USP13: variants seen among roughly 807,000 people sequenced by gnomAD.
The protein encoded by USP13 is ubiquitin specific peptidase 13.
Under a neutral mutation model 107.8 loss-of-function variants are expected in USP13, and 68 were observed. The ratio of observed to expected loss-of-function variants is 0.63; its 90% CI spans 0.52 to 0.77. USP13 has a LOEUF of 0.77. Among genes scored for constraint, USP13 ranks in the 30% least tolerant of loss-of-function variants. The pLI is 0.00. For synonymous variants in USP13, 377 were observed against 389.5 expected (o/e 0.97, Z 0.38); for missense variants, 945 against 1,093.3 (o/e 0.86, Z 1.91).
chr3:179,757,174 C>CGT (rs897709930), intron 16 of USP13, 96 bp downstream of exon 16: 21 of 1,385,074 alleles, frequency 1.5e-5, no homozygotes, highest in African/African-American at 7.2e-5. Context: ...TTGTTCTGTA[C>CGT]GTGTGTGTGT....
intron 10 of USP13, among the ~76,000 whole-genome samples, chr3:179,739,134 C>CG (rs776426852): frequency 2.6e-5 from 4 of 152,196 alleles, no homozygotes; most frequent in Non-Finnish European, 5.9e-5. Flanking sequence ...CAGCTGGCCT[C>CG]GGCAGCCGTC....
chr3:179,687,775 A>G (rs2108460467), intron 2 of USP13, among the ~76,000 whole-genome samples: 1 of 151,202 alleles, frequency 6.6e-6, no homozygotes, highest in East Asian at 1.9e-4. Flanking sequence ...TCCCAGAGCC[A>G]TCTTTCCAAA....
chr3:179,653,448 A>G lies in USP13; in HGVS notation c.168+55A>G. 6.6e-7 allele frequency: 1 copy of G among 1,526,492 alleles called. No individual in the cohort carries two copies. Among genetic ancestry groups the G allele is most frequent in the Non-Finnish European group, 8.8e-7 (1 of 1,132,656 alleles). The allele number at this position is 1,526,492 out of a possible 1,614,324, so 94.6% of individuals were successfully genotyped here. A position where few individuals can be genotyped will look rare whatever the true frequency, so the allele number is the denominator to read the frequency against. On this transcript the variant is annotated intron_variant, in intron 1 of 20. Coordinates refer to ENST00000263966, the MANE Select transcript of USP13 (RefSeq NM_003940.3). The surrounding 1 kb of genome is among the most constrained non-coding windows in gnomAD (Gnocchi z 4.0). Reference sequence around the variant, plus strand: ...GGGGCCGGCGGCCTGCGGCACGTGAAGCCGGGGGAGAAGATGCGCAGTGGC... The same window carrying G: ...GGGGCCGGCGGCCTGCGGCACGTGAGGCCGGGGGAGAAGATGCGCAGTGGC...
chr3:179,753,008 G>A (rs554033526), intron 14 of USP13, among the ~76,000 whole-genome samples: 5 of 152,252 alleles, frequency 3.3e-5, no homozygotes, highest in African/African-American at 1.2e-4. Context: ...TTTTCCAGAC[G>A]ATACATAAAA....
At chr3:179,746,992 T>C (rs1229082868) in intron 13 of USP13, among the ~76,000 whole-genome samples, 1 of 152,224 alleles carries the variant, frequency 6.6e-6, no homozygotes, top group Non-Finnish European at 1.5e-5. Context: ...AAACAAGCCA[T>C]ATTTGTTAAA....
At chr3:179,747,313 T>A (rs1321701190) in intron 13 of USP13, among the ~76,000 whole-genome samples, 3 of 152,228 alleles carry the variant, frequency 2.0e-5, no homozygotes, top group Non-Finnish European at 4.4e-5. Context: ...ACAGTAGGTT[T>A]AAGACTGATT....
intron 18 of USP13, among the ~76,000 whole-genome samples, chr3:179,765,099 T>G (rs530033474): frequency 6.6e-6 from 1 of 152,326 alleles, no homozygotes; most frequent in East Asian, 1.9e-4. Flanking sequence ...TGGAAATATT[T>G]TTATGGTCAA....
chr3:179,709,092 T>G, intron 6 of USP13, 135 bp downstream of exon 6: 2 of 1,124,792 alleles, frequency 1.8e-6, no homozygotes, highest in Non-Finnish European at 2.5e-6. Flanking sequence ...TTCTGCCTCT[T>G]ATTAGTTTTG....
intron 19 of USP13, among the ~76,000 whole-genome samples, chr3:179,781,504 T>G (rs1308838439): frequency 6.6e-6 from 1 of 151,214 alleles, no homozygotes; most frequent in Non-Finnish European, 1.5e-5. Context: ...ACATTTGAAT[T>G]TAACATCAGC....
chr3:179,667,631 C>T (rs1392308079), intron 1 of USP13, among the ~76,000 whole-genome samples: 1 of 152,112 alleles, frequency 6.6e-6, no homozygotes, highest in Non-Finnish European at 1.5e-5. Flanking sequence ...ATCCTCATTG[C>T]TCAAAATACC....
rs372925755 is a variant in USP13 at position 179,775,479 on chromosome 3, C to T, written c.2414-6260C>T. Among the ~76,000 whole-genome samples the T allele has an allele frequency of 1.3e-3, 191 of 152,384 alleles. 2 individuals carry two copies. The highest frequency in any genetic ancestry group is 4.4e-3 in the East Asian group (23 of 5,188). On this transcript the variant is annotated intron_variant, in intron 19 of 20. Coordinates refer to ENST00000263966, the MANE Select transcript of USP13 (RefSeq NM_003940.3). ...TGCCTAGTGGATCCTGTGCCAGGGC[C>T]GTGGGTGGAGCTGCCCGCCAGTTCC...
chr3:179,784,202 A>C lies in USP13; in HGVS notation c.*61A>C, dbSNP rs948636439. ...CGCCTTTTTAATTTGCCAAAAAAAAAAAGAAGAAGAAGAAGTTGAAACAAC... is the reference window on the plus strand; with the variant it reads ...CGCCTTTTTAATTTGCCAAAAAAAACAAGAAGAAGAAGAAGTTGAAACAAC... On this transcript the variant is annotated 3_prime_UTR_variant, in exon 21 of 21. Transcript: ENST00000263966. 2 of 1,321,154 alleles carry C rather than the reference A, an allele frequency of 1.5e-6. No individual in the cohort carries two copies. Among genetic ancestry groups the C allele is most frequent in the African/African-American group, 3.0e-5 (2 of 67,096 alleles). The allele number at this position is 1,321,154 out of a possible 1,614,324, so 81.8% of individuals were successfully genotyped here.
chr3:179,744,957 T>C (rs1306261536), intron 12 of USP13, 86 bp from the exon 13 acceptor site: 1 of 1,542,974 alleles, frequency 6.5e-7, no homozygotes, highest in Non-Finnish European at 8.8e-7. Context: ...CGCAGAAGCC[T>C]TCAGGGAAGA....
intron 6 of USP13, among the ~76,000 whole-genome samples, chr3:179,713,836 A>G (rs1364832191): frequency 6.6e-6 from 1 of 152,082 alleles, no homozygotes; most frequent in Non-Finnish European, 1.5e-5. Flanking sequence ...CTTTCCCCCA[A>G]TAAGGACATA....
chr3:179,741,512 G>A (rs1156952210), intron 11 of USP13, among the ~76,000 whole-genome samples: 6 of 66,900 alleles, frequency 9.0e-5, no homozygotes, highest in African/African-American at 4.3e-4. Flanking sequence ...CCACTACCAT[G>A]CCTGGCTAAT....
chr3:179,664,794 T>C (rs114356761), intron 1 of USP13, among the ~76,000 whole-genome samples: 1,593 of 152,118 alleles, frequency 0.01, 14 homozygotes, highest in Middle Eastern at 0.017. Context: ...TGTGGTAAGA[T>C]TAAAAAGGAA....
At position 179,763,999 on chromosome 3, in the gene USP13, C is replaced by T. The variant is rs749466164; in HGVS notation, c.2093-3C>T. On this transcript the variant is annotated splice_polypyrimidine_tract_variant and splice_region_variant and intron_variant, in intron 17 of 20. Coordinates refer to ENST00000263966, the MANE Select transcript of USP13 (RefSeq NM_003940.3). ...AAGACTTGGGTGTGGTTATTTTTCTCAGATTTTGCTGAGCCGCTGACCATG... is the reference window on the plus strand; with the variant it reads ...AAGACTTGGGTGTGGTTATTTTTCTTAGATTTTGCTGAGCCGCTGACCATG... 6.8e-5 allele frequency: 106 copies of T among 1,568,848 alleles called. No homozygotes were observed. Among genetic ancestry groups the T allele is most frequent in the Non-Finnish European group, 8.9e-5 (103 of 1,160,534 alleles).
chr3:179,687,288 G>A (rs1711905370), intron 2 of USP13, among the ~76,000 whole-genome samples: 1 of 151,860 alleles, frequency 6.6e-6, no homozygotes, highest in African/African-American at 2.4e-5. Context: ...TTGTTACCTG[G>A]GCTTCCCAAA....
chr3:179,761,168 G>C lies in USP13; in HGVS notation c.2005G>C (p.Glu669Gln). 1 of 1,614,208 alleles carries C rather than the reference G, an allele frequency of 6.2e-7. No homozygotes were observed. Among genetic ancestry groups the C allele is most frequent in the Non-Finnish European group, 8.5e-7 (1 of 1,180,036 alleles). Residue 669 changes from glutamate to glutamine, a missense_variant, in exon 17 of 21, where the codon GAA becomes CAA. Transcript: ENST00000263966. Reference protein sequence around the residue: ...MQLAEMGFPLEACRKAVYFTG... With the variant: ...MQLAEMGFPLQACRKAVYFTG... ...GCTGGCCGAGATGGGTTTCCCGCTG[G>C]AAGCATGTCGCAAGGCTGTGTACTT...
Sources: allele counts gnomAD v4.1 joint callset (sites outside exome capture counted in the v4.1 genomes callset), GRCh38; gene constraint gnomAD v4.1.1; non-coding constraint Gnocchi (gnomAD v3.1); transcripts MANE v1.5; gene names NCBI Gene and HGNC (gene_info 2026-07-23, HGNC 2026-07-21).